Variants in HIC1 observed in about 807,000 individuals in gnomAD.
The protein encoded by HIC1 is hypermethylated in cancer 1 protein.
Under a neutral mutation model 26.4 loss-of-function variants are expected in HIC1, and 9 were observed. The observed-to-expected ratio is 0.34, with a 90% CI of 0.21 to 0.59. The LOEUF is 0.59. Ranked by LOEUF, HIC1 falls within the 20% of genes least tolerant of loss-of-function variation. The pLI is 0.82. For synonymous variants in HIC1, 631 were observed against 523.1 expected (o/e 1.21, Z -2.81); for missense variants, 965 against 1,075.7 (o/e 0.90, Z 1.44).
chr17:2,056,344 C>T, intron 1 of HIC1: 2 of 1,613,168 alleles, frequency 1.2e-6, no homozygotes, highest in Non-Finnish European at 1.7e-6. Flanking sequence ...TTACTTAAAT[C>T]GGGTAACTGT....
intron 1 of HIC1, chr17:2,056,121 G>T (rs2067669879): frequency 6.7e-6 from 2 of 298,442 alleles, no homozygotes; most frequent in Non-Finnish European, 6.1e-6. Flanking sequence ...CGCTGCCTCC[G>T]CTCCCCGCGC....
chr17:2,061,086 G>A lies in HIC1; in HGVS notation c.*2251G>A. The stretch of plus-strand genomic sequence containing the variant: ...GATGAAAGGGAACTGTGATTTCACT[G>A]CATCTGACGGAAACTCAGAACCCCT... On this transcript the variant is annotated 3_prime_UTR_variant, in exon 2 of 2. Coordinates refer to ENST00000619757, the MANE Select transcript of HIC1 (RefSeq NM_006497.4). 5.8e-6 allele frequency: 1 copy of A among 172,902 alleles called. No individual in the cohort carries two copies. Among genetic ancestry groups the A allele is most frequent in the Admixed American group, 5.7e-5 (1 of 17,646 alleles). The allele number at this position is 172,902 out of a possible 1,614,324, so 10.7% of individuals were successfully genotyped here. A position where few individuals can be genotyped will look rare whatever the true frequency, so the allele number is the denominator to read the frequency against.
In HIC1 at chr17:2,057,333, C is replaced by G. The variant is rs1393047454; in HGVS notation, c.643C>G (p.Arg215Gly). 6.7e-7 allele frequency: 1 copy of G among 1,499,498 alleles called. No homozygotes were observed. Among genetic ancestry groups the G allele is most frequent in the Non-Finnish European group, 8.8e-7 (1 of 1,133,144 alleles). 92.9% of individuals were successfully genotyped at this position (1,499,498 alleles called of 1,614,324 possible). The stretch of plus-strand genomic sequence containing the variant: ...GGCCGCCGCACTCTGTGCCTCGGAG[C>G]GCCGCTGCTCCCCTCTTTGTGGCCT... ...GPAAALCASE[R>G]RCSPLCGLDL... is the part of the protein sequence containing the mutation. Residue 215 changes from arginine (R) to glycine (G), a missense_variant, in exon 2 of 2, where the codon CGC becomes GGC. By Grantham distance (125) the Arg-to-Gly change is moderately radical. This residue lies in a region of HIC1 where 526 missense variants were observed against 525.0 expected (regional missense o/e 1.00). Transcript: ENST00000619757.
rs745736256 is a variant in HIC1, at chr17:2,058,702, G to A, written c.2012G>A (p.Ser671Asn). 2.6e-6 allele frequency: 4 copies of A among 1,542,894 alleles called. No individual in the cohort carries two copies. In the South Asian group the frequency reaches 3.6e-5, roughly 14 times the overall value. ...CACGACCCCAAGGTGGCGCTGGAGA[G>A]CCTCTACCCGCTGGCCAAGTTCACG... ...FLHDPKVALE[S>N]LYPLAKFTAE... Residue 671 changes from serine (S) to asparagine (N), a missense_variant, in exon 2 of 2, where the codon AGC (serine) becomes AAC (asparagine). Ser to Asn is a conservative substitution (Grantham distance 46). This residue lies in a region of HIC1 where 210 missense variants were observed against 179.2 expected (regional missense o/e 1.17). Transcript: ENST00000619757.
rs1380075793 is a variant in HIC1, at chr17:2,061,483, G to A, written c.*2648G>A. 3 of 1,564,354 alleles carry A rather than the reference G, an allele frequency of 1.9e-6. No individual in the cohort carries two copies. The highest frequency in any genetic ancestry group is 2.4e-5 in the East Asian group (1 of 42,382). On this transcript the variant is annotated 3_prime_UTR_variant, in exon 2 of 2. Transcript: ENST00000619757. ...GGTTCCACGGGGGGGGGGCCCCAGT[G>A]TGGCTCCCTCAGCCCACCTGGGCCC... is the stretch of plus-strand genomic sequence containing the variant.
chr17:2,058,142 G>A lies in HIC1; in HGVS notation c.1452G>A (p.Leu484=), dbSNP rs746546177. The A allele has an allele frequency of 6.2e-7, 1 of 1,607,030 alleles. No homozygotes were observed. The highest frequency in any genetic ancestry group is 8.5e-7 in the Non-Finnish European group (1 of 1,179,174). ...VAGAPGGLGE[L]LRPYRCASCD... ...GGGCTCCGGGTGGCCTGGGAGAGCT[G>A]CTGCGGCCCTACCGCTGCGCGTCGT... The change falls in exon 2 of 2, where the codon CTG becomes CTA. Residue 484 remains leucine (L), a synonymous_variant. Transcript: ENST00000619757.
In HIC1 at chr17:2,055,961, C is replaced by T. The variant is rs1374973657; in HGVS notation, c.-20-710C>T. 6.7e-6 allele frequency among the ~76,000 whole-genome samples: 1 copy of T among 149,836 alleles called. No individual in the cohort carries two copies. The highest frequency in any genetic ancestry group is 2.4e-5 in the African/African-American group (1 of 41,150). On this transcript the variant is annotated intron_variant, in intron 1 of 1. Transcript: ENST00000619757. This position sits in a 1 kb window ranked among gnomAD's most constrained non-coding sequence, Gnocchi z 6.4. ...GTCAGGGCCGCAGCCGGCTGTGCGCCGTGCCCGCCCGGGGCGCTGCCCCCT... is the reference window on the plus strand; with the variant it reads ...GTCAGGGCCGCAGCCGGCTGTGCGCTGTGCCCGCCCGGGGCGCTGCCCCCT...
chr17:2,057,036 T>C lies in HIC1; in HGVS notation c.346T>C (p.Tyr116His). The change falls in exon 2 of 2, where the codon TAC (tyrosine) becomes CAC (histidine). Residue 116 changes from tyrosine (Y) to histidine (H), a missense_variant. Tyr to His is a moderately conservative substitution (Grantham distance 83). Around this residue, in one of 6 missense-constraint regions of HIC1, gnomAD observed 526 missense variants for 525.0 expected, o/e 1.00. Coordinates refer to ENST00000619757, the MANE Select transcript of HIC1 (RefSeq NM_006497.4). ...SLGAVLAAAS[Y>H]LQIPDLVALC... ...GGGCGCCGTGCTGGCCGCCGCCAGC[T>C]ACCTGCAGATCCCCGACCTCGTGGC... 6.7e-7 allele frequency: 1 copy of C among 1,491,326 alleles called. No individual in the cohort carries two copies. Among genetic ancestry groups the C allele is most frequent in the East Asian group, 2.8e-5 (1 of 35,622 alleles). 92.4% of individuals were successfully genotyped at this position (1,491,326 alleles called of 1,614,324 possible). A position where few individuals can be genotyped will look rare whatever the true frequency, so the allele number is the denominator to read the frequency against.
Position 2,058,158 on chromosome 17 carries a change from T to A in HIC1, c.1468T>A (p.Cys490Ser). The change falls in exon 2 of 2, where the codon TGC becomes AGC. Residue 490 changes from cysteine to serine, a missense_variant. Coordinates refer to ENST00000619757, the MANE Select transcript of HIC1 (RefSeq NM_006497.4). ...GLGELLRPYRCASCDKSYKDP... is the reference protein window; with the variant it reads ...GLGELLRPYRSASCDKSYKDP... ...GGGAGAGCTGCTGCGGCCCTACCGC[T>A]GCGCGTCGTGCGACAAGAGCTACAA... 1 of 1,609,140 alleles carries A rather than the reference T, an allele frequency of 6.2e-7. No individual in the cohort carries two copies. The highest frequency in any genetic ancestry group is 8.5e-7 in the Non-Finnish European group (1 of 1,179,608).
At chr17:2,056,349 A>G in intron 1 of HIC1, 4 of 1,612,916 alleles carry the variant, frequency 2.5e-6, no homozygotes, top group Non-Finnish European at 3.4e-6. Context: ...TAAATCGGGT[A>G]ACTGTCTCCA....
Position 2,057,653 on chromosome 17 carries a change from C to G in HIC1, c.963C>G (p.Ser321Arg). The G allele has an allele frequency of 6.6e-7, 1 of 1,515,940 alleles. No homozygotes were observed. Among genetic ancestry groups the G allele is most frequent in the African/African-American group, 1.4e-5 (1 of 69,752 alleles). The allele number at this position is 1,515,940 out of a possible 1,614,324, so 93.9% of individuals were successfully genotyped here. A position where few individuals can be genotyped will look rare whatever the true frequency, so the allele number is the denominator to read the frequency against. Residue 321 changes from serine to arginine, a missense_variant, in exon 2 of 2, where the codon AGC (serine) becomes AGG (arginine). Transcript: ENST00000619757. ...TGAAGCACGAGCCGGGCCTGGGTAG[C>G]TATGGCGACGAGCTGGGCCGGGAGC... The part of the protein sequence containing the change: ...RWMKHEPGLG[S>R]YGDELGRERG...
Position 2,059,798 on chromosome 17 carries a change from C to A in HIC1, c.*963C>A. On this transcript the variant is annotated 3_prime_UTR_variant, in exon 2 of 2. Coordinates refer to ENST00000619757, the MANE Select transcript of HIC1 (RefSeq NM_006497.4). ...CTCACACAGGTGCAGAGGCTTGGAC[C>A]TGCCTCCCTCCCCAGTCCCAGAAAC... 6.0e-6 allele frequency: 1 copy of A among 167,068 alleles called. No individual in the cohort carries two copies. The highest frequency in any genetic ancestry group is 1.5e-5 in the Non-Finnish European group (1 of 68,176). The allele number at this position is 167,068 out of a possible 1,614,324, so 10.3% of individuals were successfully genotyped here.
chr17:2,056,597 G>A, intron 1 of HIC1, 74 bp from the exon 2 acceptor site: 1 of 1,461,162 alleles, frequency 6.8e-7, no homozygotes, highest in Admixed American at 2.5e-5. Flanking sequence ...GAAGTGGAGG[G>A]GAGAAGTGCC....
rs902281981 is a variant in HIC1, at chr17:2,059,889, C to T, written c.*1054C>T. The stretch of plus-strand genomic sequence containing the variant: ...TATTAAGGAAACAAAACCAGTGCTG[C>T]AAACGGGACAGAAAGGAGAGCTGGG... On this transcript the variant is annotated 3_prime_UTR_variant, in exon 2 of 2. Transcript: ENST00000619757. The T allele has an allele frequency of 1.9e-5, 3 of 160,020 alleles. No individual in the cohort carries two copies. Among genetic ancestry groups the T allele is most frequent in the Non-Finnish European group, 4.4e-5 (3 of 68,100 alleles). The allele number at this position is 160,020 out of a possible 1,614,324, so 9.9% of individuals were successfully genotyped here.
In HIC1 at chr17:2,057,110, G is replaced by GGGC. The variant is rs762248690; in HGVS notation, c.442_444dup (p.Gly148dup). The stretch of plus-strand genomic sequence containing the variant: ...GCCACGGCAAGTACTGCCACCTGCG[G>GGGC]GGCGGCGGCGGCGGCGGCGGCGGCT... On this transcript the variant is annotated inframe_insertion, in exon 2 of 2. Transcript: ENST00000619757. The GGGC allele has an allele frequency of 3.6e-4, 473 of 1,322,024 alleles. 1 individual carries two copies. The highest frequency in any genetic ancestry group is 2.6e-3 in the Admixed American group (63 of 24,198). 81.9% of individuals were successfully genotyped at this position (1,322,024 alleles called of 1,614,324 possible). A position where few individuals can be genotyped will look rare whatever the true frequency, so the allele number is the denominator to read the frequency against.
chr17:2,058,025 A>C lies in HIC1; in HGVS notation c.1335A>C (p.Glu445Asp). 1 of 1,598,690 alleles carries C rather than the reference A, an allele frequency of 6.3e-7. No individual in the cohort carries two copies. Among genetic ancestry groups the C allele is most frequent in the Non-Finnish European group, 8.5e-7 (1 of 1,173,522 alleles). The change falls in exon 2 of 2, where the codon GAA becomes GAC. Residue 445 changes from glutamate to aspartate, a missense_variant. Around this residue, in one of 6 missense-constraint regions of HIC1, gnomAD observed 105 missense variants for 101.4 expected, o/e 1.04. Transcript: ENST00000619757. Reference sequence around the variant, plus strand: ...TGGAGGCTCACGTGGAGGAGGAGGAAGCGCTGTACGGCAGGGCCGAGGCGG... The same window carrying C: ...TGGAGGCTCACGTGGAGGAGGAGGACGCGCTGTACGGCAGGGCCGAGGCGG... The part of the protein sequence containing the change: ...AHVEAHVEEE[E>D]ALYGRAEAAE...
rs1375476377 is a variant in HIC1 at position 2,058,730 on chromosome 17, C to T, written c.2040C>T (p.Ala680=). The T allele has an allele frequency of 1.3e-6, 2 of 1,531,764 alleles. No homozygotes were observed. The highest frequency in any genetic ancestry group is 4.0e-5 in the Admixed American group (2 of 50,000). 94.9% of individuals were successfully genotyped at this position (1,531,764 alleles called of 1,614,324 possible). ...ESLYPLAKFT[A]ELGLSPDKAA... ...TCTACCCGCTGGCCAAGTTCACGGC[C>T]GAGCTGGGCCTCAGCCCCGACAAGG... Residue 680 remains alanine (A), a synonymous_variant, in exon 2 of 2, where the codon GCC becomes GCT. Coordinates refer to ENST00000619757, the MANE Select transcript of HIC1 (RefSeq NM_006497.4).
In HIC1 at chr17:2,061,425, G is replaced by A; in HGVS notation, c.*2590G>A. The A allele has an allele frequency of 6.7e-7, 1 of 1,487,314 alleles. No individual in the cohort carries two copies. The highest frequency in any genetic ancestry group is 2.3e-4 in the Middle Eastern group (1 of 4,330). 92.1% of individuals were successfully genotyped at this position (1,487,314 alleles called of 1,614,324 possible). ...GCTCAGGCACGTGGGCATCTTCCGTGCTACACTGGGCGCCTGGTGGCCTTT... is the reference window on the plus strand; with the variant it reads ...GCTCAGGCACGTGGGCATCTTCCGTACTACACTGGGCGCCTGGTGGCCTTT... On this transcript the variant is annotated 3_prime_UTR_variant, in exon 2 of 2. Coordinates refer to ENST00000619757, the MANE Select transcript of HIC1 (RefSeq NM_006497.4).
chr17:2,062,431 A>G lies in HIC1; in HGVS notation c.*3596A>G, dbSNP rs1490909500. The G allele has an allele frequency of 6.6e-6, 1 of 152,178 alleles. No homozygotes were observed. 9.4% of individuals were successfully genotyped at this position (152,178 alleles called of 1,614,324 possible). The stretch of plus-strand genomic sequence containing the variant: ...CTACAGCATCATGATCATATTAGCC[A>G]CACTTTCAGAGTATATACTTAAAAG... On this transcript the variant is annotated 3_prime_UTR_variant, in exon 2 of 2. Transcript: ENST00000619757.
Sources: gnomAD v4.1 joint callset for allele counts (sites outside exome capture counted in the v4.1 genomes callset) on GRCh38, gnomAD v4.1.1 for gene constraint, gnomAD v4.1.1 regional missense constraint, Gnocchi (gnomAD v3.1) non-coding constraint, MANE v1.5 for transcripts, NCBI Gene and HGNC (gene_info 2026-07-23, HGNC 2026-07-21) for gene names.